Variants in CLASP2 observed in about 807,000 individuals in gnomAD.
CLASP2 encodes the protein CLIP-associating protein 2.
In CLASP2, 47 loss-of-function variants were observed where a neutral mutation model predicts 194.4. The observed-to-expected ratio is 0.24, with a 90% CI of 0.19 to 0.31. CLASP2 has a LOEUF of 0.31. Ranked by LOEUF, CLASP2 falls within the 10% of genes least tolerant of loss-of-function variation. The probability of loss-of-function intolerance (pLI) is 1.00; values close to 1 mark genes in which losing one functional copy is unlikely to be tolerated. For synonymous variants in CLASP2, 619 were observed against 633.5 expected (o/e 0.98, Z 0.34); for missense variants, 1,445 against 1,823.6 (o/e 0.79, Z 3.78).
intron 18 of CLASP2, among the ~76,000 whole-genome samples, chr3:33,601,610 G>T (rs2154253298): frequency 6.6e-6 from 1 of 151,930 alleles, no homozygotes; most frequent in South Asian, 2.1e-4. Context: ...TTGCTTTTAT[G>T]TATAGGAATT....
Position 33,573,559 on chromosome 3 carries a change from C to T in CLASP2, c.2455-205G>A, listed in dbSNP as rs1318534545. 4 of 628,322 alleles carry T rather than the reference C, an allele frequency of 6.4e-6. No homozygotes were observed. The East Asian group carries it at 1.2e-4, about 18-fold the overall frequency. 38.9% of individuals were successfully genotyped at this position (628,322 alleles called of 1,614,324 possible). ...TAGTAGAAGGTAAAATAATCCTTAA[C>T]TATGGGAAGTGGTAGAAGCAGAGTA... is the stretch of plus-strand genomic sequence containing the variant. On this transcript the variant is annotated intron_variant, in intron 24 of 38. Transcript: ENST00000682230.
At position 33,632,298 on chromosome 3, in the gene CLASP2, A is replaced by G; in HGVS notation, c.936T>C (p.Ser312=). ...GTGCCACTGGTAGCCTTACCTGAAT[A>G]GAAGGGACATCTGTAAAAGCTTTTA... ...DFIKAFTDVP[S]IQIYSSRELE... is the part of the protein sequence containing the mutation. The change falls in exon 9 of 39, where the codon TCT becomes TCC. Residue 312 remains serine, a synonymous_variant. Transcript: ENST00000682230. The G allele has an allele frequency of 1.2e-6, 2 of 1,601,044 alleles. No homozygotes were observed. The highest frequency in any genetic ancestry group is 1.7e-6 in the Non-Finnish European group (2 of 1,173,910).
In CLASP2 at chr3:33,498,502, G is replaced by A. The variant is rs1332161992; in HGVS notation, c.*129C>T. On this transcript the variant is annotated 3_prime_UTR_variant, in exon 39 of 39. Transcript: ENST00000682230. ...TGTTACAGAAAATACAAAACGAAAC[G>A]AAACAAAAAACTAAAACTGGGAAAC... The A allele has an allele frequency of 8.8e-6, 5 of 569,072 alleles. No homozygotes were observed. Among genetic ancestry groups the A allele is most frequent in the African/African-American group, 7.6e-5 (4 of 52,966 alleles). The allele number at this position is 569,072 out of a possible 1,614,324, so 35.3% of individuals were successfully genotyped here.
At chr3:33,602,387 G>C (rs2072498713) in intron 18 of CLASP2, 1 of 627,872 alleles carries the variant, frequency 1.6e-6, no homozygotes, top group Non-Finnish European at 2.8e-6. Flanking sequence ...CGATCTGCCT[G>C]CTTAGTGTTC....
intron 2 of CLASP2, among the ~76,000 whole-genome samples, chr3:33,694,431 T>C (rs1024197082): frequency 2.6e-5 from 4 of 152,120 alleles, no homozygotes; most frequent in African/African-American, 9.7e-5. Context: ...TATTCTTAAG[T>C]CTAAATTTTC....
intron 1 of CLASP2, among the ~76,000 whole-genome samples, chr3:33,699,340 A>C (rs2092201965): frequency 6.6e-6 from 1 of 152,190 alleles, no homozygotes; most frequent in Non-Finnish European, 1.5e-5. Flanking sequence ...AGGAAAAATA[A>C]TGAAAGGCAT....
intron 3 of CLASP2, among the ~76,000 whole-genome samples, chr3:33,689,060 A>T (rs2091041846): frequency 6.6e-6 from 1 of 152,038 alleles, no homozygotes; most frequent in Non-Finnish European, 1.5e-5. Context: ...TCAAATATAC[A>T]ACATACACAG....
intron 22 of CLASP2, among the ~76,000 whole-genome samples, chr3:33,583,988 A>G (rs973740183): frequency 1.3e-5 from 2 of 152,184 alleles, no homozygotes; most frequent in Non-Finnish European, 2.9e-5. Context: ...AAGGCCGTAC[A>G]ATCTTCAAAC....
chr3:33,525,064 T>C (rs1176269849), intron 34 of CLASP2, among the ~76,000 whole-genome samples: 3 of 152,160 alleles, frequency 2.0e-5, no homozygotes, highest in Admixed American at 1.3e-4. Flanking sequence ...AATATGGATA[T>C]AAAACATAGT....
At chr3:33,689,970 A>T in intron 2 of CLASP2, 38 bp from the exon 3 acceptor site, 1 of 1,298,814 alleles carries the variant, frequency 7.7e-7, no homozygotes, top group Non-Finnish European at 1.1e-6. Flanking sequence ...AATTACTTAT[A>T]ACTCATCTCC....
intron 12 of CLASP2, among the ~76,000 whole-genome samples, chr3:33,617,922 A>AATT (rs1319963909): frequency 6.8e-6 from 1 of 147,410 alleles, no homozygotes; most frequent in African/African-American, 2.5e-5. Context: ...TGGTGCGGAT[A>AATT]ATTATTATTA....
At chr3:33,540,446 T>C (rs1345332189) in intron 32 of CLASP2, among the ~76,000 whole-genome samples, 2 of 152,086 alleles carry the variant, frequency 1.3e-5, no homozygotes, top group Non-Finnish European at 2.9e-5. Flanking sequence ...CTCAATATGT[T>C]GCCCAGGTTT....
At chr3:33,537,720 C>T (rs920909434) in intron 33 of CLASP2, among the ~76,000 whole-genome samples, 2 of 151,922 alleles carry the variant, frequency 1.3e-5, no homozygotes, top group Non-Finnish European at 2.9e-5. Context: ...AAACATTTGC[C>T]ACATTATTAA....
chr3:33,535,469 T>C lies in CLASP2; in HGVS notation c.3559-8A>G. On this transcript the variant is annotated splice_region_variant and splice_polypyrimidine_tract_variant and intron_variant, in intron 33 of 38. Transcript: ENST00000682230. ...CCCAGGACCACCACACATCTATCAA[T>C]GGGAAGTGAAAGCCACAGCAAATTA... The C allele has an allele frequency of 2.5e-6, 4 of 1,606,640 alleles. No homozygotes were observed. Among genetic ancestry groups the C allele is most frequent in the Non-Finnish European group, 3.4e-6 (4 of 1,174,504 alleles).
chr3:33,634,790 T>C lies in CLASP2; in HGVS notation c.863-2419A>G, dbSNP rs531738720. ...ACATGTGGTACACAATAAATATATA[T>C]AATTTTAGTTGTCTATATAGTAAAA... On this transcript the variant is annotated intron_variant, in intron 8 of 38. Coordinates refer to ENST00000682230, the MANE Select transcript of CLASP2 (RefSeq NM_001365631.1). Among the ~76,000 whole-genome samples the C allele has an allele frequency of 2.6e-5, 4 of 152,308 alleles. No homozygotes were observed. In the East Asian group the frequency reaches 5.8e-4, roughly 22 times the overall value.
At chr3:33,625,563 CT>C (rs201541782) in intron 10 of CLASP2, among the ~76,000 whole-genome samples, 369 of 138,916 alleles carry the variant, frequency 2.7e-3, no homozygotes, top group Middle Eastern at 3.7e-3. Context: ...TGATCTCTCT[CT>C]TTTTTTTTTT....
intron 31 of CLASP2, 60 bp downstream of exon 31, chr3:33,544,638 C>A: frequency 1.4e-6 from 2 of 1,464,132 alleles, no homozygotes; most frequent in African/African-American, 1.4e-5. Flanking sequence ...TAAAAGAAAG[C>A]AATTATTATT....
chr3:33,620,162 T>G (rs2076876784), intron 11 of CLASP2, among the ~76,000 whole-genome samples: 2 of 152,208 alleles, frequency 1.3e-5, no homozygotes, highest in Admixed American at 1.3e-4. Context: ...CTTACTCAAA[T>G]CAATGCTCCT....
chr3:33,498,689 C>T lies in CLASP2; in HGVS notation c.4463G>A (p.Arg1488His). The T allele has an allele frequency of 1.2e-6, 2 of 1,613,018 alleles. No individual in the cohort carries two copies. Among genetic ancestry groups the T allele is most frequent in the Non-Finnish European group, 1.7e-6 (2 of 1,179,262 alleles). Residue 1488 changes from arginine (R) to histidine (H), a missense_variant, in exon 39 of 39, where the codon CGT becomes CAT. Transcript: ENST00000682230. Reference protein sequence around the residue: ...KMKLLNLYIKRAQTGSGGADP... With the variant: ...KMKLLNLYIKHAQTGSGGADP... ...AGCTCCTCCAGAACCTGTTTGTGCACGTTTGATGTAAAGATTCAGTAGCTT... is the reference window on the plus strand; with the variant it reads ...AGCTCCTCCAGAACCTGTTTGTGCATGTTTGATGTAAAGATTCAGTAGCTT...
Sources: allele counts gnomAD v4.1 joint callset (sites outside exome capture counted in the v4.1 genomes callset), GRCh38; gene constraint gnomAD v4.1.1; transcripts MANE v1.5; gene names NCBI Gene and HGNC (gene_info 2026-07-23, HGNC 2026-07-21).